Variants in UGT1A3 observed in about 807,000 individuals in gnomAD.
UGT1A3 encodes UDP glucuronosyltransferase family 1 member A3.
A neutral mutation model predicts 41.0 loss-of-function variants in UGT1A3; 31 were observed. The observed-to-expected ratio is 0.76, with a 90% CI of 0.57 to 1.02. The LOEUF is 1.02. Ranked by LOEUF, UGT1A3 falls within the 50% of genes least tolerant of loss-of-function variation. The pLI is 0.00. For missense variants in UGT1A3, 737 were observed against 671.0 expected, an observed-to-expected ratio of 1.10 and a Z score of -1.09; for synonymous variants, 262 against 257.6, an observed-to-expected ratio of 1.02 and a Z score of -0.17.
intron 1 of UGT1A3, among the ~76,000 whole-genome samples, chr2:233,738,330 C>T (rs1690764718): frequency 6.6e-6 from 1 of 152,132 alleles, no homozygotes; most frequent in Admixed American, 6.5e-5. Context: ...TGGACTAATA[C>T]AGTAAATTGG....
In UGT1A3 at chr2:233,772,906, C is replaced by G; in HGVS notation, c.*347C>G. ...TTCAAAGGTGGTCCCACGGCTGCCCCTACTGCAAATGGCAGTTTTAATCTT... is the reference window on the plus strand; with the variant it reads ...TTCAAAGGTGGTCCCACGGCTGCCCGTACTGCAAATGGCAGTTTTAATCTT... On this transcript the variant is annotated 3_prime_UTR_variant, in exon 5 of 5. Coordinates refer to ENST00000482026, the MANE Select transcript of UGT1A3 (RefSeq NM_019093.4). 1 of 412,406 alleles carries G rather than the reference C, an allele frequency of 2.4e-6. No homozygotes were observed. The highest frequency in any genetic ancestry group is 2.8e-5 in the South Asian group (1 of 36,156). The allele number at this position is 412,406 out of a possible 1,614,324, so 25.5% of individuals were successfully genotyped here. A position where few individuals can be genotyped will look rare whatever the true frequency, so the allele number is the denominator to read the frequency against.
At chr2:233,747,308 T>C in intron 1 of UGT1A3, 5 of 1,602,886 alleles carry the variant, frequency 3.1e-6, no homozygotes, top group Non-Finnish European at 4.3e-6. Context: ...GGGAAGGTGC[T>C]GGTGGTACCC....
intron 1 of UGT1A3, among the ~76,000 whole-genome samples, chr2:233,759,210 T>C (rs1169742751): frequency 6.6e-6 from 1 of 152,134 alleles, no homozygotes; most frequent in African/African-American, 2.4e-5. Context: ...CCCAATCAGG[T>C]CCATTTATGC....
At position 233,729,323 on chromosome 2, in the gene UGT1A3, A is replaced by G; in HGVS notation, c.197A>G (p.Asn66Ser). The change falls in exon 1 of 5, where the codon AAT becomes AGT. Residue 66 changes from asparagine (N) to serine (S), a missense_variant. Physicochemically the swap from Asn to Ser is conservative, Grantham distance 46. Transcript: ENST00000482026. ...GCAGTGGTCCTCACCCCAGAGGTGA[A>G]TATGCACATCAAAGAAGAGAACTTT... is the stretch of plus-strand genomic sequence containing the variant. The part of the protein sequence containing the change: ...HQAVVLTPEV[N>S]MHIKEENFFT... The G allele has an allele frequency of 1.2e-6, 2 of 1,614,278 alleles. No homozygotes were observed. The highest frequency in any genetic ancestry group is 1.7e-6 in the Non-Finnish European group (2 of 1,180,042).
Position 233,769,467 on chromosome 2 carries a change from G to T in UGT1A3, c.1307+1028G>T. The T allele has an allele frequency of 6.2e-7, 1 of 1,602,902 alleles. No homozygotes were observed. On this transcript the variant is annotated intron_variant, in intron 4 of 4. Coordinates refer to ENST00000482026, the MANE Select transcript of UGT1A3 (RefSeq NM_019093.4). This position sits in a 1 kb window ranked among gnomAD's most constrained non-coding sequence, Gnocchi z 4.4. Reference sequence around the variant, plus strand: ...TGCACACGTGTGCATTCATATGCGTGTGTGTGTGTGTGCGTGTGTTTATGA... The same window carrying T: ...TGCACACGTGTGCATTCATATGCGTTTGTGTGTGTGTGCGTGTGTTTATGA...
At chr2:233,739,626 A>G (rs1691159649) in intron 1 of UGT1A3, among the ~76,000 whole-genome samples, 1 of 152,210 alleles carries the variant, frequency 6.6e-6, no homozygotes, top group Non-Finnish European at 1.5e-5. Flanking sequence ...CTCCCATTTG[A>G]AATGGGAACA....
At chr2:233,760,902 C>T (rs1400244302) in intron 1 of UGT1A3, 7 of 1,613,974 alleles carry the variant, frequency 4.3e-6, no homozygotes, top group Non-Finnish European at 5.9e-6. Context: ...ATCACATGAC[C>T]TTCCTGCAGC....
At chr2:233,730,198 G>T (rs544900257) in intron 1 of UGT1A3, among the ~76,000 whole-genome samples, 1 of 152,188 alleles carries the variant, frequency 6.6e-6, no homozygotes, top group Non-Finnish European at 1.5e-5. Context: ...CTGAGAGGAA[G>T]AGGAAGTAGA....
chr2:233,747,258 A>T, intron 1 of UGT1A3: 1 of 1,600,094 alleles, frequency 6.2e-7, no homozygotes, highest in Non-Finnish European at 8.5e-7. Context: ...TGGCCACAGG[A>T]GTGCTACTCC....
intron 1 of UGT1A3, among the ~76,000 whole-genome samples, chr2:233,742,394 T>C (rs553013500): frequency 6.6e-6 from 1 of 152,130 alleles, no homozygotes; most frequent in South Asian, 2.1e-4. Flanking sequence ...GCTCATGTTA[T>C]TATTTGTAGT....
At chr2:233,740,906 T>C (rs1395590000) in intron 1 of UGT1A3, 5 of 141,866 alleles carry the variant, frequency 3.5e-5, no homozygotes, top group East Asian at 3.9e-4. Flanking sequence ...TAGGTCAACA[T>C]TGTTCCCATC....
chr2:233,760,170 G>C (rs1168690539), intron 1 of UGT1A3: 1 of 1,531,450 alleles, frequency 6.5e-7, no homozygotes, highest in Non-Finnish European at 8.8e-7. Context: ...TTTGTGGACT[G>C]ACAGCTTTTT....
chr2:233,739,695 T>C (rs1691176781), intron 1 of UGT1A3, among the ~76,000 whole-genome samples: 1 of 152,230 alleles, frequency 6.6e-6, no homozygotes, highest in African/African-American at 2.4e-5. Flanking sequence ...TTTTTGATTT[T>C]ACAGGCTCAT....
At chr2:233,762,034 A>G (rs750851212) in intron 1 of UGT1A3, among the ~76,000 whole-genome samples, 3 of 151,806 alleles carry the variant, frequency 2.0e-5, no homozygotes, top group Non-Finnish European at 2.9e-5. Context: ...ATTTTTTTTA[A>G]TTTTCTGTGC....
chr2:233,757,874 A>G (rs1242256383), intron 1 of UGT1A3, among the ~76,000 whole-genome samples: 10 of 152,078 alleles, frequency 6.6e-5, no homozygotes, highest in Admixed American at 5.9e-4. Flanking sequence ...AAGTAGCTTC[A>G]AAAGGGTTCC....
intron 1 of UGT1A3, among the ~76,000 whole-genome samples, chr2:233,749,248 A>AT (rs1216234192): frequency 2.0e-5 from 3 of 151,926 alleles, no homozygotes; most frequent in East Asian, 1.9e-4. Flanking sequence ...AAACCACATG[A>AT]TTTTTTTATT....
rs761622962 is a variant in UGT1A3 at position 233,769,246 on chromosome 2, A to C, written c.1307+807A>C. On this transcript the variant is annotated intron_variant, in intron 4 of 4. Transcript: ENST00000482026. The surrounding 1 kb of genome is among the most constrained non-coding windows in gnomAD (Gnocchi z 4.4). The stretch of plus-strand genomic sequence containing the variant: ...TAAGAGCAAAGGAAAATTTGCTCAA[A>C]TGTGGCCCTGAAAACGATTCAAAGG... Among the ~76,000 whole-genome samples the C allele has an allele frequency of 6.6e-6, 1 of 152,238 alleles. No individual in the cohort carries two copies. Among genetic ancestry groups the C allele is most frequent in the Non-Finnish European group, 1.5e-5 (1 of 68,028 alleles).
At chr2:233,768,049 C>A in intron 3 of UGT1A3, 113 bp downstream of exon 3, 1 of 1,606,778 alleles carries the variant, frequency 6.2e-7, no homozygotes, top group Non-Finnish European at 8.5e-7. Flanking sequence ...GCCAACATAT[C>A]CTACATTGCT....
intron 1 of UGT1A3, among the ~76,000 whole-genome samples, chr2:233,749,386 AT>A (rs1439732191): frequency 2.6e-5 from 4 of 151,906 alleles, no homozygotes; most frequent in Non-Finnish European, 5.9e-5. Flanking sequence ...CAGTTTTTCA[AT>A]GTGAACATAT....
Sources: allele counts gnomAD v4.1 joint callset (sites outside exome capture counted in the v4.1 genomes callset), GRCh38; gene constraint gnomAD v4.1.1; non-coding constraint Gnocchi (gnomAD v3.1); transcripts MANE v1.5; gene names NCBI Gene and HGNC (gene_info 2026-07-23, HGNC 2026-07-21).